Variants in KNDC1 observed in about 807,000 individuals in gnomAD.
KNDC1 encodes the protein kinase non-catalytic C-lobe domain containing 1, also known as kinase non-catalytic C-lobe domain-containing protein 1.
A neutral mutation model predicts 172.8 loss-of-function variants in KNDC1; 106 were observed. The ratio of observed to expected loss-of-function variants is 0.61; its 90% confidence interval spans 0.52 to 0.72. The LOEUF (loss-of-function observed/expected upper bound fraction) is 0.72, where lower values mean the gene tolerates loss of function less well. Ranked by LOEUF, KNDC1 falls within the 30% of genes least tolerant of loss-of-function variation. The probability of loss-of-function intolerance (pLI) is 0.00; values close to 1 mark genes in which losing one functional copy is unlikely to be tolerated. For missense variants in KNDC1, 2,325 were observed against 2,394.5 expected (o/e 0.97, Z 0.61); for synonymous variants, 1,083 against 1,062.2 (o/e 1.02, Z -0.38).
intron 25 of KNDC1, 112 bp from the exon 26 acceptor site, chr10:133,213,860 G>A: frequency 6.8e-7 from 1 of 1,474,180 alleles, no homozygotes; most frequent in Non-Finnish European, 9.4e-7. Context: ...GTGTCTGCCA[G>A]TTGGAGCGGC....
rs1232738330 is a variant in KNDC1 at position 133,188,735 on chromosome 10, GCCGTCCCACCCCCCACA to G, written c.1441+92_1441+108del. ...CCCCCCACCGCCGTCCCACACCCCC[GCCGTCCCACCCCCCACA>G]CCGTCCCACGCCCCCCCACTGTCCC... On this transcript the variant is annotated intron_variant, in intron 7 of 29. Coordinates refer to ENST00000304613, the MANE Select transcript of KNDC1 (RefSeq NM_152643.8). 1.2e-5 allele frequency: 6 copies of G among 501,674 alleles called. No individual in the cohort carries two copies. In the Admixed American group the frequency reaches 1.6e-4, roughly 13 times the overall value. 31.1% of individuals were successfully genotyped at this position (501,674 alleles called of 1,614,324 possible).
intron 2 of KNDC1, among the ~76,000 whole-genome samples, chr10:133,167,848 T>C (rs747393122): frequency 1.3e-5 from 2 of 152,170 alleles, no homozygotes; most frequent in African/African-American, 2.4e-5. Flanking sequence ...CGCTCAGGAC[T>C]TCCCCTAAGG....
Position 133,224,572 on chromosome 10 carries a change from T to G in KNDC1, c.5019-87T>G, listed in dbSNP as rs1845681598. On this transcript the variant is annotated intron_variant, in intron 29 of 29. Transcript: ENST00000304613. The surrounding 1 kb of genome is among the most constrained non-coding windows in gnomAD (Gnocchi z 5.4). Reference sequence around the variant, plus strand: ...CGGTGAAAAGATTTAGTCCAAATGATTCCTAAGAACGCGGGGGGACTCCCT... The same window carrying G: ...CGGTGAAAAGATTTAGTCCAAATGAGTCCTAAGAACGCGGGGGGACTCCCT... The G allele has an allele frequency of 1.1e-6, 1 of 899,302 alleles. No individual in the cohort carries two copies. Among genetic ancestry groups the G allele is most frequent in the African/African-American group, 1.7e-5 (1 of 59,698 alleles). 55.7% of individuals were successfully genotyped at this position (899,302 alleles called of 1,614,324 possible).
Position 133,219,105 on chromosome 10 carries a change from C to T in KNDC1, c.4860+15C>T, listed in dbSNP as rs1385896628. On this transcript the variant is annotated intron_variant, in intron 28 of 29. Coordinates refer to ENST00000304613, the MANE Select transcript of KNDC1 (RefSeq NM_152643.8). ...AAGCCGTGGAGGTACCAGCACTTTA[C>T]GTGGCCGGGCGGCTTTGGTCCCCCG... 3.7e-6 allele frequency: 6 copies of T among 1,611,244 alleles called. No homozygotes were observed. The highest frequency in any genetic ancestry group is 5.1e-6 in the Non-Finnish European group (6 of 1,178,972).
Position 133,199,497 on chromosome 10 carries a change from C to T in KNDC1, c.2798C>T (p.Thr933Ile), listed in dbSNP as rs898534494. The change falls in exon 15 of 30, where the codon ACT (threonine) becomes ATT (isoleucine). Residue 933 changes from threonine (T) to isoleucine (I), a missense_variant. Thr to Ile is a moderately conservative substitution (Grantham distance 89, BLOSUM62 -1). Coordinates refer to ENST00000304613, the MANE Select transcript of KNDC1 (RefSeq NM_152643.8). ...GCCTTGAAAGATCTCACCTTTGCCA[C>T]TTTCTGTGGCGCCATTTCCGAGAAG... ...IFALKDLTFATFCGAISEKFC... is the reference protein window; with the variant it reads ...IFALKDLTFAIFCGAISEKFC... 1 of 1,613,952 alleles carries T rather than the reference C, an allele frequency of 6.2e-7. No homozygotes were observed. Among genetic ancestry groups the T allele is most frequent in the East Asian group, 2.2e-5 (1 of 44,886 alleles).
intron 17 of KNDC1, among the ~76,000 whole-genome samples, chr10:133,205,292 G>T (rs533118223): frequency 5.0e-4 from 76 of 152,326 alleles, no homozygotes; most frequent in African/African-American, 1.8e-3. Context: ...GTCCCGTCCA[G>T]GGAGGCGCTC....
chr10:133,187,940 A>C (rs1853967513), intron 6 of KNDC1, among the ~76,000 whole-genome samples: 1 of 75,128 alleles, frequency 1.3e-5, no homozygotes, highest in African/African-American at 6.7e-5. Context: ...TGGCCCCTGC[A>C]CCCCGTCCCA....
chr10:133,202,918 G>A (rs559132363), intron 17 of KNDC1, among the ~76,000 whole-genome samples: 1 of 152,338 alleles, frequency 6.6e-6, no homozygotes, highest in African/African-American at 2.4e-5. Flanking sequence ...AGAGAAAAGG[G>A]CGGCCGGCAC....
intron 17 of KNDC1, 117 bp downstream of exon 17, chr10:133,202,015 A>G: frequency 8.4e-7 from 1 of 1,192,880 alleles, no homozygotes; most frequent in Non-Finnish European, 1.2e-6. Flanking sequence ...ACAGGGTGAC[A>G]CTGGTCCTGG....
Position 133,211,445 on chromosome 10 carries a change from C to A in KNDC1, c.3932C>A (p.Thr1311Asn). ...AGGGCCCACCAGGACCCCACCTCGA[C>A]CTTCACCAAGATCTACAGGCGGAGC... ...LTRAHQDPTSTFTKIYRRSLC... is the reference protein window; with the variant it reads ...LTRAHQDPTSNFTKIYRRSLC... Residue 1311 changes from threonine to asparagine, a missense_variant, in exon 22 of 30, where the codon ACC becomes AAC. By Grantham distance (65) the Thr-to-Asn change is moderately conservative. Transcript: ENST00000304613. 1 of 1,608,422 alleles carries A rather than the reference C, an allele frequency of 6.2e-7. No individual in the cohort carries two copies. Among genetic ancestry groups the A allele is most frequent in the Non-Finnish European group, 8.5e-7 (1 of 1,177,790 alleles).
chr10:133,191,827 G>A (rs911693406), intron 9 of KNDC1, among the ~76,000 whole-genome samples: 21 of 152,222 alleles, frequency 1.4e-4, no homozygotes, highest in East Asian at 1.2e-3. Flanking sequence ...CTGCGGCCCC[G>A]CCCAGCAAGG....
At chr10:133,194,976 G>C (rs1457828301) in intron 9 of KNDC1, among the ~76,000 whole-genome samples, 1 of 152,200 alleles carries the variant, frequency 6.6e-6, no homozygotes, top group African/African-American at 2.4e-5. Context: ...GCATGGGTCT[G>C]TCCGGCTTCA....
chr10:133,189,836 GC>G, intron 9 of KNDC1, 23 bp downstream of exon 9: 1 of 1,593,958 alleles, frequency 6.3e-7, no homozygotes, highest in South Asian at 1.1e-5. Flanking sequence ...TCCCCACCCT[GC>G]CCCAGCCCTG....
In KNDC1 at chr10:133,183,869, C is replaced by G. The variant is rs926372107; in HGVS notation, c.508-3C>G. 1 of 1,572,482 alleles carries G rather than the reference C, an allele frequency of 6.4e-7. No homozygotes were observed. On this transcript the variant is annotated splice_polypyrimidine_tract_variant and splice_region_variant and intron_variant, in intron 4 of 29. Transcript: ENST00000304613. ...TTCCTGTCTGAGGTGTTCCCGTCCC[C>G]AGAGCATCATCGCGCTGTGTGAAGA... is the stretch of plus-strand genomic sequence containing the variant.
chr10:133,215,303 T>A (rs1845449954), intron 26 of KNDC1, among the ~76,000 whole-genome samples: 1 of 152,142 alleles, frequency 6.6e-6, no homozygotes, highest in Non-Finnish European at 1.5e-5. Flanking sequence ...GTGCAGTACC[T>A]CCCTGCCAGG....
chr10:133,223,826 T>C (rs866255168), intron 29 of KNDC1, among the ~76,000 whole-genome samples: 2 of 70,080 alleles, frequency 2.9e-5, no homozygotes, highest in African/African-American at 5.4e-5. Flanking sequence ...TGTGTGTGTG[T>C]GTGAGAGCCC....
chr10:133,175,373 T>C (rs1853503311), intron 3 of KNDC1, among the ~76,000 whole-genome samples: 1 of 120,804 alleles, frequency 8.3e-6, no homozygotes, highest in South Asian at 2.8e-4. Flanking sequence ...TGGGTGGTTG[T>C]ATGTGTGGAG....
chr10:133,219,120 T>G (rs1210693046), intron 28 of KNDC1, 30 bp downstream of exon 28: 1 of 1,605,950 alleles, frequency 6.2e-7, no homozygotes, highest in South Asian at 1.1e-5. Flanking sequence ...CCGGGCGGCT[T>G]TGGTCCCCCG....
intron 26 of KNDC1, among the ~76,000 whole-genome samples, chr10:133,217,065 C>T (rs903826477): frequency 2.0e-5 from 3 of 152,206 alleles, no homozygotes; most frequent in African/African-American, 4.8e-5. Context: ...ACCGAGTTTC[C>T]GTTTGGGAAG....
Sources: gnomAD v4.1 joint callset for allele counts (sites outside exome capture counted in the v4.1 genomes callset) on GRCh38, gnomAD v4.1.1 for gene constraint, Gnocchi (gnomAD v3.1) non-coding constraint, MANE v1.5 for transcripts, NCBI Gene and HGNC (gene_info 2026-07-23, HGNC 2026-07-21) for gene names.